Variants in ALMS1 observed in about 807,000 individuals in gnomAD.
The protein encoded by ALMS1 is centrosome-associated protein ALMS1.
Under a neutral mutation model 352.2 loss-of-function variants are expected in ALMS1, and 271 were observed. That is an observed-to-expected ratio of 0.77 (90% confidence interval 0.70 to 0.85). The LOEUF (loss-of-function observed/expected upper bound fraction) is 0.85. ALMS1 is among the 40% of genes least tolerant of loss of function. The pLI, the probability that ALMS1 is intolerant of heterozygous loss-of-function variation, is 0.00. For missense variants in ALMS1, 5,445 were observed against 4,870.7 expected, an observed-to-expected ratio of 1.12 and a Z score of -3.51; for synonymous variants, 1,865 against 1,761.2, an observed-to-expected ratio of 1.06 and a Z score of -1.48.
At chr2:73,476,847 C>A (rs1193891637) in intron 9 of ALMS1, among the ~76,000 whole-genome samples, 1 of 152,050 alleles carries the variant, frequency 6.6e-6, no homozygotes, top group African/African-American at 2.4e-5. Flanking sequence ...CTTTGCCTCA[C>A]ATCTTTGTTA....
chr2:73,545,347 A>G (rs917987669), intron 12 of ALMS1, among the ~76,000 whole-genome samples: 1 of 151,798 alleles, frequency 6.6e-6, no homozygotes, highest in Non-Finnish European at 1.5e-5. Context: ...CGCCCAGCTA[A>G]TTTTTGTATT....
At chr2:73,599,367 G>A (rs1195418111) in intron 16 of ALMS1, 34 bp from the exon 17 acceptor site, 2 of 1,609,236 alleles carry the variant, frequency 1.2e-6, no homozygotes, top group Non-Finnish European at 1.7e-6. Context: ...ATTGACTGCA[G>A]GTAATAATAA....
intron 13 of ALMS1, among the ~76,000 whole-genome samples, chr2:73,556,033 A>T (rs17349804): frequency 0.13 from 19,184 of 152,132 alleles, 1,318 homozygotes; most frequent in East Asian, 0.25. Context: ...TTTGGTGTAA[A>T]GGCTGCTACT....
At chr2:73,465,796 A>AAAAC (rs553415472) in intron 9 of ALMS1, among the ~76,000 whole-genome samples, 9 of 150,998 alleles carry the variant, frequency 6.0e-5, no homozygotes, top group Non-Finnish European at 7.4e-5. Context: ...TTACAAGAAA[A>AAAAC]AAACAACCCC....
chr2:73,455,330 A>G (rs1308115019), intron 9 of ALMS1, 35 bp downstream of exon 9: 17 of 1,611,688 alleles, frequency 1.1e-5, no homozygotes, highest in Non-Finnish European at 1.4e-5. Flanking sequence ...GAAAGTAAAT[A>G]TGAAAGAATG....
chr2:73,602,322 G>T lies in ALMS1; in HGVS notation c.12252G>T (p.Arg4084Ser), dbSNP rs1675714153. ...GGGATGCACTATTCAACATTGACAG[G>T]GAACGGCAGGGCCACCAGAATCGCA... ...TERDALFNID[R>S]ERQGHQNRMC... Residue 4084 changes from arginine to serine, a missense_variant, in exon 20 of 23, where the codon AGG (arginine) becomes AGT (serine). By Grantham distance (110) the Arg-to-Ser change is moderately radical. Transcript: ENST00000613296. The T allele has an allele frequency of 6.2e-7, 1 of 1,614,074 alleles. No homozygotes were observed. Among genetic ancestry groups the T allele is most frequent in the Non-Finnish European group, 8.5e-7 (1 of 1,180,038 alleles).
rs560597372 is a variant in ALMS1 at position 73,594,920 on chromosome 2, C to A, written c.11548-4481C>A. 2.3e-4 allele frequency among the ~76,000 whole-genome samples: 35 copies of A among 152,282 alleles called. No individual in the cohort carries two copies. In the South Asian group the frequency reaches 3.1e-3, roughly 14 times the overall value. ...TTGTTTTTAAATATGTCCCTCTCAG[C>A]TAAGCTTGTTGTGCTTCAGGTAGTG... On this transcript the variant is annotated intron_variant, in intron 16 of 22. Coordinates refer to ENST00000613296, the MANE Select transcript of ALMS1 (RefSeq NM_001378454.1).
Position 73,491,160 on chromosome 2 carries a change from A to G in ALMS1, c.9201A>G (p.Arg3067=). 6.2e-7 allele frequency: 1 copy of G among 1,614,168 alleles called. No homozygotes were observed. The highest frequency in any genetic ancestry group is 1.3e-5 in the African/African-American group (1 of 75,070). Residue 3067 remains arginine, a synonymous_variant, in exon 10 of 23, where the codon AGA becomes AGG. Coordinates refer to ENST00000613296, the MANE Select transcript of ALMS1 (RefSeq NM_001378454.1). ...TGGATAGTGGAACTTTAGATGAAAGATTCCATTCATTGGATGCTGCTTCTA... is the reference window on the plus strand; with the variant it reads ...TGGATAGTGGAACTTTAGATGAAAGGTTCCATTCATTGGATGCTGCTTCTA... The part of the protein sequence containing the change: ...SKLDSGTLDE[R]FHSLDAASKA...
intron 7 of ALMS1, among the ~76,000 whole-genome samples, chr2:73,438,754 T>C (rs576547074): frequency 1.4e-4 from 22 of 152,188 alleles, no homozygotes; most frequent in African/African-American, 2.7e-4. Flanking sequence ...AAGACAGATA[T>C]TTTGTTTAAA....
chr2:73,599,843 T>C (rs951165624), intron 17 of ALMS1, among the ~76,000 whole-genome samples: 4 of 152,366 alleles, frequency 2.6e-5, no homozygotes, highest in African/African-American at 9.6e-5. Context: ...TATGAATATG[T>C]GGAATTTAAC....
intron 16 of ALMS1, among the ~76,000 whole-genome samples, chr2:73,583,807 T>C (rs1004744605): frequency 1.3e-5 from 2 of 152,202 alleles, no homozygotes; most frequent in African/African-American, 4.8e-5. Flanking sequence ...AGAGTTTATT[T>C]CTGGGCATGT....
intron 12 of ALMS1, among the ~76,000 whole-genome samples, chr2:73,544,757 A>T (rs77887481): frequency 2.0e-5 from 3 of 152,218 alleles, no homozygotes; most frequent in African/African-American, 7.2e-5. Context: ...TTGTACACCC[A>T]TGTTCATAAC....
chr2:73,399,553 G>T (rs1433785172), intron 1 of ALMS1, among the ~76,000 whole-genome samples: 2 of 151,608 alleles, frequency 1.3e-5, no homozygotes, highest in Non-Finnish European at 2.9e-5. Flanking sequence ...TAGAGTGAGC[G>T]CTCACTTATC....
Position 73,452,778 on chromosome 2 carries a change from A to G in ALMS1, c.6251A>G (p.Asn2084Ser), listed in dbSNP as rs771084714. 3 of 1,613,458 alleles carry G rather than the reference A, an allele frequency of 1.9e-6. No homozygotes were observed. Among genetic ancestry groups the G allele is most frequent in the Non-Finnish European group, 2.5e-6 (3 of 1,179,970 alleles). The change falls in exon 8 of 23, where the codon AAT becomes AGT. Residue 2084 changes from asparagine to serine, a missense_variant. Coordinates refer to ENST00000613296, the MANE Select transcript of ALMS1 (RefSeq NM_001378454.1). ...ISAVPELTDV[N>S]TGKPVSLSSS... is the part of the protein sequence containing the mutation. ...GCTGTCCCTGAACTAACTGATGTGAATACTGGAAAACCAGTATCTCTCTCT... is the reference window on the plus strand; with the variant it reads ...GCTGTCCCTGAACTAACTGATGTGAGTACTGGAAAACCAGTATCTCTCTCT...
intron 9 of ALMS1, among the ~76,000 whole-genome samples, chr2:73,474,581 C>T (rs887668656): frequency 7.9e-5 from 12 of 151,984 alleles, no homozygotes; most frequent in Admixed American, 6.6e-4. Flanking sequence ...CTCAAGCTAT[C>T]CTTCCACCTC....
intron 6 of ALMS1, among the ~76,000 whole-genome samples, chr2:73,430,742 C>T (rs1671483505): frequency 6.6e-6 from 1 of 152,074 alleles, no homozygotes; most frequent in African/African-American, 2.4e-5. Flanking sequence ...TAGGCTAGAC[C>T]ATATAGCCTA....
At chr2:73,516,486 C>A (rs189482059) in intron 10 of ALMS1, among the ~76,000 whole-genome samples, 16 of 152,292 alleles carry the variant, frequency 1.1e-4, no homozygotes, top group African/African-American at 3.9e-4. Context: ...TGAAAAAACA[C>A]ATATAATCAA....
intron 10 of ALMS1, among the ~76,000 whole-genome samples, chr2:73,493,868 G>A (rs1414015824): frequency 6.6e-6 from 1 of 152,152 alleles, no homozygotes; most frequent in African/African-American, 2.4e-5. Context: ...CTATTGCTGT[G>A]TATCATGTTA....
intron 12 of ALMS1, among the ~76,000 whole-genome samples, chr2:73,544,430 G>C (rs909529337): frequency 3.9e-5 from 6 of 152,082 alleles, no homozygotes; most frequent in African/African-American, 1.4e-4. Flanking sequence ...ACGAGTTAAT[G>C]GGTGCAGCAC....
Sources: gnomAD v4.1 joint callset for allele counts (sites outside exome capture counted in the v4.1 genomes callset) on GRCh38, gnomAD v4.1.1 for gene constraint, MANE v1.5 for transcripts, NCBI Gene and HGNC (gene_info 2026-07-23, HGNC 2026-07-21) for gene names.